Variants in ACTN2 observed in about 807,000 individuals in gnomAD.
ACTN2 encodes the protein alpha-actinin-2.
In ACTN2, 39 loss-of-function variants were observed where a neutral mutation model predicts 113.8. That is an observed-to-expected ratio of 0.34 (90% CI 0.27 to 0.45). The LOEUF is 0.45. Ranked by LOEUF, ACTN2 falls within the 20% of genes least tolerant of loss-of-function variation. The pLI is 1.00. For synonymous variants in ACTN2, 429 were observed against 444.1 expected (o/e 0.97, Z 0.43); for missense variants, 992 against 1,177.9 (o/e 0.84, Z 2.31).
chr1:236,699,844 A>C (rs1180674637), intron 1 of ACTN2, among the ~76,000 whole-genome samples: 2 of 152,264 alleles, frequency 1.3e-5, no homozygotes, highest in Non-Finnish European at 2.9e-5. Context: ...GGAAAAACCA[A>C]GCTTCATGAA....
chr1:236,742,782 A>G (rs750319198), intron 10 of ACTN2, 114 bp from the exon 11 acceptor site: 26 of 1,377,366 alleles, frequency 1.9e-5, no homozygotes, highest in Non-Finnish European at 2.5e-5. Context: ...AAGAAAACAA[A>G]AGGAAAACAC....
chr1:236,734,313 A>C (rs1257787321), intron 7 of ACTN2: 2 of 636,760 alleles, frequency 3.1e-6, no homozygotes, highest in Admixed American at 6.0e-5. Flanking sequence ...AATGTTAGGA[A>C]CATAAGTGTA....
Position 236,749,163 on chromosome 1 carries a change from C to T in ACTN2, c.1555C>T (p.Leu519=). The T allele has an allele frequency of 6.2e-7, 1 of 1,614,136 alleles. No individual in the cohort carries two copies. Among genetic ancestry groups the T allele is most frequent in the Non-Finnish European group, 8.5e-7 (1 of 1,180,042 alleles). Residue 519 remains leucine, a synonymous_variant, in exon 14 of 21, where the codon CTG becomes TTG. Transcript: ENST00000366578. ...KLLETIDQLH[L]EFAKRAAPFN... ...GCTAGAAACCATTGATCAGCTTCAC[C>T]TGGAGTTTGCCAAGAGGGCTGCTCC...
At position 236,734,102 on chromosome 1, in the gene ACTN2, CT is replaced by C. The variant is rs1361844720; in HGVS notation, c.698-1532del. Among the ~76,000 whole-genome samples, 3 of 152,234 alleles carry C rather than the reference CT, an allele frequency of 2.0e-5. No homozygotes were observed. The East Asian group carries it at 5.8e-4, about 29-fold the overall frequency. On this transcript the variant is annotated intron_variant, in intron 7 of 20. Transcript: ENST00000366578. ...TCCATGTGTGTAGTAATAGAAAGTC[CT>C]GGTGAGTGTGCTGGTGTGTGCACTC...
intron 7 of ACTN2, 110 bp downstream of exon 7, chr1:236,731,424 C>G: frequency 2.5e-6 from 2 of 805,092 alleles, no homozygotes; most frequent in South Asian, 1.5e-5. Flanking sequence ...ATCCGAAGTA[C>G]TTTGGATTCC....
intron 20 of ACTN2, among the ~76,000 whole-genome samples, chr1:236,761,783 C>G (rs1296522430): frequency 6.6e-6 from 1 of 152,132 alleles, no homozygotes; most frequent in African/African-American, 2.4e-5. Flanking sequence ...ACCCTGTTTT[C>G]TGGCTGAGAG....
chr1:236,748,095 G>A (rs1040525874), intron 13 of ACTN2: 5 of 338,008 alleles, frequency 1.5e-5, no homozygotes, highest in Non-Finnish European at 2.8e-5. Flanking sequence ...AAATTGAGCT[G>A]TGAGTGAGTC....
At chr1:236,737,081 C>T in intron 8 of ACTN2, 41 bp from the exon 9 acceptor site, 4 of 1,539,540 alleles carry the variant, frequency 2.6e-6, no homozygotes, top group Non-Finnish European at 3.6e-6. Flanking sequence ...GTGCGCATTC[C>T]CGTCGACAGA....
At chr1:236,762,020 A>T (rs1659721961) in intron 20 of ACTN2, among the ~76,000 whole-genome samples, 2 of 152,260 alleles carry the variant, frequency 1.3e-5, no homozygotes, top group African/African-American at 4.8e-5. Flanking sequence ...TATAAATTAT[A>T]TAATATGCAA....
intron 11 of ACTN2, among the ~76,000 whole-genome samples, chr1:236,743,542 G>A (rs183346853): frequency 8.0e-5 from 12 of 150,712 alleles, no homozygotes; most frequent in Admixed American, 4.0e-4. Flanking sequence ...CACACATGCC[G>A]GTTTCCATAG....
rs1659736110 is a variant in ACTN2, at chr1:236,762,472, G to T, written c.2538G>T (p.Leu846=). Residue 846 remains leucine (L), a synonymous_variant, in exon 21 of 21, where the codon CTG becomes CTT. Transcript: ENST00000366578. The part of the protein sequence containing the change: ...RILASDKPYI[L]AEELRRELPP... ...GTATTTTTTCCCAGCCATACATCCT[G>T]GCGGAGGAGCTGCGTCGGGAGCTGC... 1 of 1,614,008 alleles carries T rather than the reference G, an allele frequency of 6.2e-7. No homozygotes were observed. The highest frequency in any genetic ancestry group is 1.3e-5 in the African/African-American group (1 of 74,932).
chr1:236,718,757 G>A, intron 2 of ACTN2, 137 bp from the exon 3 acceptor site: 1 of 1,227,786 alleles, frequency 8.1e-7, no homozygotes, highest in Non-Finnish European at 1.2e-6. Flanking sequence ...GTGATTTAGA[G>A]AGACCAGGCA....
intron 15 of ACTN2, among the ~76,000 whole-genome samples, chr1:236,752,508 T>TGGGG (rs1659425538): frequency 1.6e-5 from 2 of 127,294 alleles, no homozygotes; most frequent in African/African-American, 6.2e-5. Flanking sequence ...CTTGCGGGGG[T>TGGGG]GGGGGCGGGG....
intron 1 of ACTN2, among the ~76,000 whole-genome samples, chr1:236,715,469 A>G (rs973979992): frequency 6.6e-6 from 1 of 152,136 alleles, no homozygotes; most frequent in Admixed American, 6.6e-5. Flanking sequence ...GTTGTCCAGT[A>G]GAATTTTCTG....
rs534815190 is a variant in ACTN2 at position 236,754,123 on chromosome 1, A to G, written c.1974+42A>G. 30 of 1,610,664 alleles carry G rather than the reference A, an allele frequency of 1.9e-5. No homozygotes were observed. The highest frequency in any genetic ancestry group is 2.7e-5 in the African/African-American group (2 of 75,058). On this transcript the variant is annotated intron_variant, in intron 16 of 20. Coordinates refer to ENST00000366578, the MANE Select transcript of ACTN2 (RefSeq NM_001103.4). This position sits in a 1 kb window ranked among gnomAD's most constrained non-coding sequence, Gnocchi z 4.9. Reference sequence around the variant, plus strand: ...CCAGGCGCTGTTCACAAGCCTTGCGATAAGTCCCTTTAGCCACGCAGCAGT... The same window carrying G: ...CCAGGCGCTGTTCACAAGCCTTGCGGTAAGTCCCTTTAGCCACGCAGCAGT...
At chr1:236,720,339 A>C (rs985598231) in intron 4 of ACTN2, 148 bp downstream of exon 4, 1 of 695,790 alleles carries the variant, frequency 1.4e-6, no homozygotes, top group African/African-American at 1.8e-5. Flanking sequence ...TTGTATGTGT[A>C]TAGGAAAAGA....
chr1:236,744,829 G>T, intron 12 of ACTN2, 53 bp downstream of exon 12: 1 of 1,612,666 alleles, frequency 6.2e-7, no homozygotes, highest in Non-Finnish European at 8.5e-7. Context: ...TCCACAGAGA[G>T]GGGAGAGAAA....
chr1:236,690,775 G>A (rs987590300), intron 1 of ACTN2, among the ~76,000 whole-genome samples: 2 of 152,064 alleles, frequency 1.3e-5, no homozygotes, highest in Admixed American at 1.3e-4. Context: ...AACAGAAAAT[G>A]TATCATTTTA....
intron 1 of ACTN2, among the ~76,000 whole-genome samples, chr1:236,693,921 C>T (rs1407001829): frequency 6.6e-6 from 1 of 152,178 alleles, no homozygotes; most frequent in Non-Finnish European, 1.5e-5. Flanking sequence ...CTAGCCCCAT[C>T]GTCTGTTCAT....
Sources: allele counts gnomAD v4.1 joint callset (sites outside exome capture counted in the v4.1 genomes callset), GRCh38; gene constraint gnomAD v4.1.1; non-coding constraint Gnocchi (gnomAD v3.1); transcripts MANE v1.5; gene names NCBI Gene and HGNC (gene_info 2026-07-23, HGNC 2026-07-21).